ARMC10: variants seen among roughly 807,000 people sequenced by gnomAD.
ARMC10 encodes armadillo repeat containing 10, also known as armadillo repeat-containing protein 10.
In ARMC10, 23 loss-of-function variants were observed where a neutral mutation model predicts 30.2. That is an observed-to-expected ratio of 0.76 (90% CI 0.55 to 1.08). The LOEUF is 1.08. ARMC10 is among the 50% of genes least tolerant of loss of function. The pLI, the probability that ARMC10 is intolerant of heterozygous loss-of-function variation, is 0.00. For missense variants in ARMC10, 303 were observed against 413.7 expected, an observed-to-expected ratio of 0.73 and a Z score of 2.32; for synonymous variants, 111 against 164.4, an observed-to-expected ratio of 0.68 and a Z score of 2.48.
At chr7:103,085,932 A>T (rs143688013) in intron 3 of ARMC10, among the ~76,000 whole-genome samples, 164 of 152,152 alleles carry the variant, frequency 1.1e-3, no homozygotes, top group African/African-American at 3.8e-3. Flanking sequence ...CCATTTTTCA[A>T]ACTGTGTGGA....
chr7:103,097,255 A>G (rs752633964), intron 5 of ARMC10, 22 bp from the exon 6 acceptor site: 1 of 1,600,864 alleles, frequency 6.2e-7, no homozygotes, highest in Non-Finnish European at 8.6e-7. Flanking sequence ...GTCTGAGATA[A>G]GCCAGTATCA....
At chr7:103,091,311 C>T (rs1237591703) in intron 4 of ARMC10, among the ~76,000 whole-genome samples, 2 of 151,952 alleles carry the variant, frequency 1.3e-5, no homozygotes, top group Non-Finnish European at 2.9e-5. Flanking sequence ...GCAGCCTGTG[C>T]GGCAGTGAGA....
At chr7:103,081,852 A>T in intron 2 of ARMC10, 1 of 456,458 alleles carries the variant, frequency 2.2e-6, no homozygotes, top group Non-Finnish European at 4.4e-6. Context: ...GGAGCCAGTT[A>T]CAGTATTAAG....
In ARMC10 at chr7:103,092,524, C is replaced by A; in HGVS notation, c.576C>A (p.Asn192Lys). 6.2e-7 allele frequency: 1 copy of A among 1,606,354 alleles called. No individual in the cohort carries two copies. Among genetic ancestry groups the A allele is most frequent in the Non-Finnish European group, 8.5e-7 (1 of 1,173,648 alleles). ...AGGATGTCTTCTCTGGTCCTCTGAA[C>A]TCTGCTGTGCAGCTGGCTGGACTGA... ...VCEDVFSGPLNSAVQLAGLTL... is the reference protein window; with the variant it reads ...VCEDVFSGPLKSAVQLAGLTL... The change falls in exon 5 of 7, where the codon AAC becomes AAA. Residue 192 changes from asparagine (N) to lysine (K), a missense_variant. Coordinates refer to ENST00000323716, the MANE Select transcript of ARMC10 (RefSeq NM_031905.5).
At position 103,075,839 on chromosome 7, in the gene ARMC10, G is replaced by A. The variant is rs1799722596; in HGVS notation, c.202G>A (p.Gly68Arg). Residue 68 changes from glycine (G) to arginine (R), a missense_variant, in exon 2 of 7, where the codon GGA (glycine) becomes AGA (arginine). By Grantham distance (125) the Gly-to-Arg change is moderately radical. This residue lies in a region of ARMC10 where 96 missense variants were observed against 84.2 expected (regional missense o/e 1.14). Coordinates refer to ENST00000323716, the MANE Select transcript of ARMC10 (RefSeq NM_031905.5). ...CGGGCGCTCGGCCCGGCCTCAGACGGGAGGTACCTGGGAGTCACAGTGGTC... is the reference window on the plus strand; with the variant it reads ...CGGGCGCTCGGCCCGGCCTCAGACGAGAGGTACCTGGGAGTCACAGTGGTC... ...LCGRSARPQT[G>R]GTWESQWSKT... is the part of the protein sequence containing the mutation. 3 of 1,611,602 alleles carry A rather than the reference G, an allele frequency of 1.9e-6. No homozygotes were observed. The highest frequency in any genetic ancestry group is 2.5e-6 in the Non-Finnish European group (3 of 1,179,066).
chr7:103,078,159 G>A (rs1298099248), intron 2 of ARMC10, among the ~76,000 whole-genome samples: 3 of 152,066 alleles, frequency 2.0e-5, no homozygotes, highest in South Asian at 2.1e-4. Context: ...TGTGCCTGGC[G>A]AATTTTTTTT....
chr7:103,078,382 G>A (rs1314435580), intron 2 of ARMC10, among the ~76,000 whole-genome samples: 1 of 152,212 alleles, frequency 6.6e-6, no homozygotes, highest in Non-Finnish European at 1.5e-5. Context: ...CTCTTCTCGT[G>A]ATAGTTCTCA....
At chr7:103,085,382 G>A (rs917646162) in intron 3 of ARMC10, among the ~76,000 whole-genome samples, 2 of 152,078 alleles carry the variant, frequency 1.3e-5, no homozygotes, top group Admixed American at 6.6e-5. Flanking sequence ...GGAGTATTGA[G>A]CTATTTCTAA....
chr7:103,094,169 A>G (rs554360712), intron 5 of ARMC10, among the ~76,000 whole-genome samples: 2 of 152,314 alleles, frequency 1.3e-5, no homozygotes, highest in Admixed American at 1.3e-4. Context: ...TGCTTAAGTC[A>G]GGGATCTCAC....
intron 2 of ARMC10, among the ~76,000 whole-genome samples, chr7:103,078,489 A>G (rs944425307): frequency 6.6e-6 from 1 of 152,190 alleles, no homozygotes; most frequent in African/African-American, 2.4e-5. Context: ...TTCCCCTTCC[A>G]CCATGATTGT....
Position 103,098,459 on chromosome 7 carries a change from A to C in ARMC10, c.938A>C (p.His313Pro). 1 of 1,613,280 alleles carries C rather than the reference A, an allele frequency of 6.2e-7. No individual in the cohort carries two copies. Among genetic ancestry groups the C allele is most frequent in the Non-Finnish European group, 8.5e-7 (1 of 1,179,660 alleles). ...FTEGSLFFLL[H>P]GEECAQKIRA... Reference sequence around the variant, plus strand: ...GAAGGTTCATTGTTTTTCCTGTTACATGGAGAAGAATGTGCCCAGAAAATA... The same window carrying C: ...GAAGGTTCATTGTTTTTCCTGTTACCTGGAGAAGAATGTGCCCAGAAAATA... Residue 313 changes from histidine (H) to proline (P), a missense_variant, in exon 7 of 7, where the codon CAT becomes CCT. His to Pro is a moderately conservative substitution (Grantham distance 77). This residue lies in a region of ARMC10 where 26 missense variants were observed against 94.7 expected (regional missense o/e 0.27). Coordinates refer to ENST00000323716, the MANE Select transcript of ARMC10 (RefSeq NM_031905.5).
intron 4 of ARMC10, among the ~76,000 whole-genome samples, chr7:103,092,223 C>T (rs1440457614): frequency 7.8e-6 from 1 of 128,108 alleles, no homozygotes; most frequent in Non-Finnish European, 1.7e-5. Flanking sequence ...GTCCCAGCTA[C>T]TCTGGAGGCT....
chr7:103,075,643 T>A, intron 1 of ARMC10, 134 bp from the exon 2 acceptor site: 7 of 881,970 alleles, frequency 7.9e-6, no homozygotes, highest in Non-Finnish European at 1.2e-5. Context: ...AGCGGAGGAT[T>A]AGATTTCTTA....
intron 2 of ARMC10, among the ~76,000 whole-genome samples, chr7:103,076,503 C>T (rs1563313555): frequency 1.3e-5 from 2 of 152,192 alleles, no homozygotes; most frequent in Non-Finnish European, 2.9e-5. Flanking sequence ...GAAAGTCTTT[C>T]TTGGGCTGTA....
rs115990053 is a variant in ARMC10 at position 103,090,711 on chromosome 7, G to A, written c.529-1766G>A. On this transcript the variant is annotated intron_variant, in intron 4 of 6. Coordinates refer to ENST00000323716, the MANE Select transcript of ARMC10 (RefSeq NM_031905.5). ...GGGGTCTCACCGTGTTGACCAGTTT[G>A]GGTGAGAACCCATTTCTAAAAAAAA... Among the ~76,000 whole-genome samples the A allele has an allele frequency of 5.5e-3, 752 of 137,142 alleles. 7 individuals carry two copies. Among genetic ancestry groups the A allele is most frequent in the African/African-American group, 0.021 (720 of 33,814 alleles). 90.0% of individuals were successfully genotyped at this position (137,142 alleles called of 152,430 possible). A position where few individuals can be genotyped will look rare whatever the true frequency, so the allele number is the denominator to read the frequency against.
At chr7:103,083,491 G>A (rs1800569441) in intron 2 of ARMC10, among the ~76,000 whole-genome samples, 191 bp from the exon 3 acceptor site, 2 of 152,108 alleles carry the variant, frequency 1.3e-5, no homozygotes, top group African/African-American at 4.8e-5. Context: ...TGTGGTGCAT[G>A]TGCTAGGACC....
chr7:103,087,039 A>G (rs988217841), intron 4 of ARMC10: 22 of 718,706 alleles, frequency 3.1e-5, no homozygotes, highest in Non-Finnish European at 4.1e-5. Context: ...CCTTAAGGCT[A>G]TAGGCACCAA....
chr7:103,083,026 G>A (rs757166475), intron 2 of ARMC10: 1 of 456,550 alleles, frequency 2.2e-6, no homozygotes, highest in South Asian at 1.5e-5. Context: ...GAAAAGATCT[G>A]CTTAATGCAA....
chr7:103,094,381 T>C (rs543766142), intron 5 of ARMC10, among the ~76,000 whole-genome samples: 1 of 152,368 alleles, frequency 6.6e-6, no homozygotes, highest in South Asian at 2.1e-4. Context: ...AATCCATATA[T>C]TTGTTTAATC....
Sources: gnomAD v4.1 joint callset for allele counts (sites outside exome capture counted in the v4.1 genomes callset) on GRCh38, gnomAD v4.1.1 for gene constraint, gnomAD v4.1.1 regional missense constraint, MANE v1.5 for transcripts, NCBI Gene and HGNC (gene_info 2026-07-23, HGNC 2026-07-21) for gene names.